C12orf56: variants seen among roughly 807,000 people sequenced by gnomAD.
The protein encoded by C12orf56 is uncharacterized protein C12orf56.
Under a neutral mutation model 69.9 loss-of-function variants are expected in C12orf56, and 71 were observed. That is an observed-to-expected ratio of 1.02 (90% CI 0.84 to 1.24). The LOEUF (loss-of-function observed/expected upper bound fraction) is 1.24, where lower values mean the gene tolerates loss of function less well. Among genes scored for constraint, C12orf56 ranks in the 50% most tolerant of loss-of-function variants. C12orf56 has a pLI of 0.00. For synonymous variants in C12orf56, 276 were observed against 274.1 expected, an observed-to-expected ratio of 1.01 and a Z score of -0.07; for missense variants, 732 against 738.5, an observed-to-expected ratio of 0.99 and a Z score of 0.10.
chr12:64,320,563 C>G (rs1194184406), intron 3 of C12orf56, among the ~76,000 whole-genome samples: 1 of 152,120 alleles, frequency 6.6e-6, no homozygotes, highest in Non-Finnish European at 1.5e-5. Flanking sequence ...ATGCTGTGTC[C>G]TTTACTTTCC....
intron 3 of C12orf56, among the ~76,000 whole-genome samples, chr12:64,328,798 G>A (rs2038888351): frequency 6.8e-6 from 1 of 147,280 alleles, no homozygotes; most frequent in South Asian, 2.1e-4. Flanking sequence ...AGGTGCAGTG[G>A]CTCACGACTG....
intron 1 of C12orf56, among the ~76,000 whole-genome samples, chr12:64,364,280 C>A (rs1377174372): frequency 3.3e-5 from 5 of 151,850 alleles, no homozygotes; most frequent in Admixed American, 6.6e-5. Flanking sequence ...TGAGACCCTG[C>A]CTCAAAAAAC....
intron 3 of C12orf56, among the ~76,000 whole-genome samples, chr12:64,320,279 C>T (rs1422389876): frequency 1.3e-5 from 2 of 152,142 alleles, no homozygotes; most frequent in Non-Finnish European, 2.9e-5. Context: ...ACAAGGCTTG[C>T]CACCATCTTG....
chr12:64,272,024 C>T lies in C12orf56; in HGVS notation c.1585-1310G>A, dbSNP rs1294212700. On this transcript the variant is annotated intron_variant, in intron 11 of 12. Transcript: ENST00000543942. ...TCACAGACTAGCCTCATACTCAACC[C>T]AATTCCTTTGGTGAACCAACTTTAG... Among the ~76,000 whole-genome samples, 3 of 152,112 alleles carry T rather than the reference C, an allele frequency of 2.0e-5. No individual in the cohort carries two copies. In the East Asian group the frequency reaches 5.8e-4, roughly 29 times the overall value.
chr12:64,301,231 A>G (rs1346803527), intron 6 of C12orf56, among the ~76,000 whole-genome samples: 4 of 152,230 alleles, frequency 2.6e-5, no homozygotes, highest in Non-Finnish European at 5.9e-5. Context: ...AAAAGCTGAT[A>G]GAGCCAGTGT....
At chr12:64,280,544 T>C (rs2038108053) in intron 8 of C12orf56, among the ~76,000 whole-genome samples, 1 of 152,196 alleles carries the variant, frequency 6.6e-6, no homozygotes, top group South Asian at 2.1e-4. Context: ...GCAATAGCTC[T>C]GAATATGTTT....
rs569915982 is a variant in C12orf56 at position 64,356,932 on chromosome 12, G to A, written c.253-3876C>T. Among the ~76,000 whole-genome samples the A allele has an allele frequency of 7.2e-5, 11 of 152,144 alleles. No homozygotes were observed. The East Asian group carries it at 1.7e-3, about 24-fold the overall frequency. On this transcript the variant is annotated intron_variant, in intron 1 of 12. Coordinates refer to ENST00000543942, the MANE Select transcript of C12orf56 (RefSeq NM_001170633.2). ...TCACTTTGACTCACTAGGTAACCAG[G>A]CATTGTTTCTCAGGCACCCATGATT...
intron 1 of C12orf56, among the ~76,000 whole-genome samples, chr12:64,365,455 A>C (rs2039452912): frequency 6.6e-6 from 1 of 151,396 alleles, no homozygotes; most frequent in Non-Finnish European, 1.5e-5. Context: ...ATGAGCCACC[A>C]CGCCCGGCCG....
rs767688385 is a variant in C12orf56, at chr12:64,389,632, GATTAC to G, written c.252+677_252+681del. On this transcript the variant is annotated intron_variant, in intron 1 of 12. Transcript: ENST00000543942. ...GTGCCTCAGCCTCCCAAGTAGTTGG[GATTAC>G]AGGTGCACACGACCACGCCTGGGTA... Among the ~76,000 whole-genome samples, 128 of 152,212 alleles carry G rather than the reference GATTAC, an allele frequency of 8.4e-4. 1 individual carries two copies. Among genetic ancestry groups the G allele is most frequent in the Admixed American group, 2.1e-3 (32 of 15,284 alleles).
chr12:64,281,828 A>G (rs2038132931), intron 8 of C12orf56, among the ~76,000 whole-genome samples: 1 of 152,194 alleles, frequency 6.6e-6, no homozygotes, highest in South Asian at 2.1e-4. Flanking sequence ...AATTAAAGGC[A>G]ACGCTTTTAA....
chr12:64,362,094 CACA>C (rs2039407346), intron 1 of C12orf56, among the ~76,000 whole-genome samples: 1 of 152,028 alleles, frequency 6.6e-6, no homozygotes, highest in Non-Finnish European at 1.5e-5. Flanking sequence ...TTCTTTCTTA[CACA>C]ACATCCAAGA....
chr12:64,309,806 C>T (rs573643209), intron 5 of C12orf56, among the ~76,000 whole-genome samples: 31 of 151,866 alleles, frequency 2.0e-4, no homozygotes, highest in African/African-American at 4.8e-4. Flanking sequence ...CCACTGCACC[C>T]GGCTTATCAT....
At chr12:64,363,673 T>A (rs2135963104) in intron 1 of C12orf56, among the ~76,000 whole-genome samples, 1 of 152,236 alleles carries the variant, frequency 6.6e-6, no homozygotes, top group African/African-American at 2.4e-5. Context: ...TACAAATCTT[T>A]TTGCGGAAAA....
At chr12:64,331,948 T>C (rs201992341) in intron 2 of C12orf56, among the ~76,000 whole-genome samples, 67 of 135,132 alleles carry the variant, frequency 5.0e-4, no homozygotes, top group Admixed American at 2.5e-3. Context: ...TATCCTTAAA[T>C]AAAAAAAAAA....
intron 4 of C12orf56, among the ~76,000 whole-genome samples, chr12:64,315,792 A>T (rs2038684186): frequency 6.6e-6 from 1 of 152,060 alleles, no homozygotes; most frequent in Admixed American, 6.6e-5. Context: ...TTAGAAGAGG[A>T]TGGTGGCGCA....
In C12orf56 at chr12:64,352,882, G is replaced by T. The variant is rs756453314; in HGVS notation, c.415+12C>A. The stretch of plus-strand genomic sequence containing the variant: ...TTTGCCTTAGATCCAGAGACAGATT[G>T]GAAGTACCTACCTTTCTTGTTGTTA... On this transcript the variant is annotated intron_variant, in intron 2 of 12. Transcript: ENST00000543942. 4.4e-6 allele frequency: 7 copies of T among 1,587,314 alleles called. No homozygotes were observed. The highest frequency in any genetic ancestry group is 6.0e-6 in the Non-Finnish European group (7 of 1,171,224).
At chr12:64,270,025 G>A (rs2037961356) in intron 12 of C12orf56, among the ~76,000 whole-genome samples, 1 of 152,108 alleles carries the variant, frequency 6.6e-6, no homozygotes, top group East Asian at 1.9e-4. Context: ...TCTGGCCTGG[G>A]AATATACTTC....
chr12:64,364,669 C>T (rs2039441715), intron 1 of C12orf56, among the ~76,000 whole-genome samples: 1 of 152,104 alleles, frequency 6.6e-6, no homozygotes, highest in African/African-American at 2.4e-5. Context: ...TAGATTTCAT[C>T]CCATGCACCT....
At chr12:64,286,917 T>C (rs963985992) in intron 6 of C12orf56, among the ~76,000 whole-genome samples, 1 of 152,084 alleles carries the variant, frequency 6.6e-6, no homozygotes. Flanking sequence ...TACCGGATAC[T>C]CTCAGAAGTG....
Sources: gnomAD v4.1 joint callset for allele counts (sites outside exome capture counted in the v4.1 genomes callset) on GRCh38, gnomAD v4.1.1 for gene constraint, MANE v1.5 for transcripts, NCBI Gene and HGNC (gene_info 2026-07-23, HGNC 2026-07-21) for gene names.